TMED3: variants seen among roughly 807,000 people sequenced by gnomAD.
TMED3 encodes transmembrane p24 trafficking protein 3, also known as transmembrane emp24 domain-containing protein 3.
TMED3 carries 9 observed loss-of-function variants against 15.0 expected under a neutral mutation model. The ratio of observed to expected loss-of-function variants is 0.60; its 90% CI spans 0.36 to 1.04. The LOEUF is 1.04. TMED3 is among the 50% of genes least tolerant of loss of function. The pLI, the probability that TMED3 is intolerant of heterozygous loss-of-function variation, is 0.01. For synonymous variants in TMED3, 117 were observed against 121.4 expected (o/e 0.96, Z 0.24); for missense variants, 267 against 278.9 (o/e 0.96, Z 0.30).
chr15:79,316,403 A>G (rs2058740724), intron 2 of TMED3, among the ~76,000 whole-genome samples: 1 of 152,216 alleles, frequency 6.6e-6, no homozygotes, highest in Non-Finnish European at 1.5e-5. Context: ...CAGAGGTCAA[A>G]GGCCAAGAGC....
rs113061032 is a variant in TMED3 at position 79,408,987 on chromosome 15, A to G, written c.418-2413A>G. Among the ~76,000 whole-genome samples, 1,507 of 152,344 alleles carry G rather than the reference A, an allele frequency of 9.9e-3. 19 individuals carry two copies. The highest frequency in any genetic ancestry group is 0.034 in the African/African-American group (1,434 of 41,578). On this transcript the variant is annotated intron_variant, in intron 2 of 2. Coordinates refer to the TMED3 transcript ENST00000424155. ...AAGATACAAGAAAACTTGACTCAAT[A>G]TAGATTTCTTTGTTAATTTAAGTAC...
intron 2 of TMED3, among the ~76,000 whole-genome samples, chr15:79,373,352 C>T (rs1893375035): frequency 6.6e-6 from 1 of 152,180 alleles, no homozygotes; most frequent in African/African-American, 2.4e-5. Context: ...GGGCTATTTT[C>T]TTTGGCTGTT....
At chr15:79,321,247 T>C (rs1475346008) in intron 2 of TMED3, among the ~76,000 whole-genome samples, 2 of 152,208 alleles carry the variant, frequency 1.3e-5, no homozygotes, top group African/African-American at 4.8e-5. Context: ...TATTCACAGC[T>C]TTCTGGAATT....
At chr15:79,401,393 G>A (rs1446474701) in intron 2 of TMED3, among the ~76,000 whole-genome samples, 1 of 152,154 alleles carries the variant, frequency 6.6e-6, no homozygotes, top group Admixed American at 6.5e-5. Flanking sequence ...AGATGACAGA[G>A]AGTGCATAGG....
downstream of TMED3, among the ~76,000 whole-genome samples, chr15:79,327,611 G>C (rs1351576874): frequency 1.3e-5 from 2 of 152,176 alleles, no homozygotes; most frequent in African/African-American, 4.8e-5. Flanking sequence ...CACAATACTG[G>C]TCTGAGACAA....
intron 2 of TMED3, among the ~76,000 whole-genome samples, chr15:79,343,073 A>G (rs919911453): frequency 2.0e-5 from 3 of 152,148 alleles, no homozygotes; most frequent in Non-Finnish European, 2.9e-5. Flanking sequence ...AGATGGAAAT[A>G]TAAGGGTTTG....
chr15:79,398,816 C>T (rs1477392625), intron 2 of TMED3, among the ~76,000 whole-genome samples: 1 of 152,190 alleles, frequency 6.6e-6, no homozygotes, highest in African/African-American at 2.4e-5. Context: ...CATAAAATTA[C>T]CCATCACAAG....
At position 79,322,357 on chromosome 15, in the gene TMED3, T is replaced by A. The variant is rs2058771682; in HGVS notation, c.*143T>A. 6.8e-7 allele frequency: 1 copy of A among 1,470,666 alleles called. No homozygotes were observed. The highest frequency in any genetic ancestry group is 1.4e-5 in the African/African-American group (1 of 70,954). The allele number at this position is 1,470,666 out of a possible 1,614,324, so 91.1% of individuals were successfully genotyped here. A position where few individuals can be genotyped will look rare whatever the true frequency, so the allele number is the denominator to read the frequency against. ...AGCCCTTTGCCTTTCATGCCCATGC[T>A]TGATTCTTGCACCTCAGCAGCTGAA... On this transcript the variant is annotated 3_prime_UTR_variant, in exon 3 of 3. Transcript: ENST00000299705.
intron 2 of TMED3, among the ~76,000 whole-genome samples, chr15:79,351,867 A>G (rs188953439): frequency 1.5e-4 from 23 of 152,334 alleles, no homozygotes; most frequent in Non-Finnish European, 2.1e-4. Flanking sequence ...ATATACGTAT[A>G]TGATGGAATT....
chr15:79,330,591 A>G (rs1408813575), intron 2 of TMED3, among the ~76,000 whole-genome samples: 1 of 152,252 alleles, frequency 6.6e-6, no homozygotes, highest in Non-Finnish European at 1.5e-5. Flanking sequence ...TAATATTGTT[A>G]AAAGGACCAT....
intron 2 of TMED3, among the ~76,000 whole-genome samples, chr15:79,404,350 T>C (rs916783729): frequency 6.6e-6 from 1 of 152,164 alleles, no homozygotes; most frequent in Non-Finnish European, 1.5e-5. Flanking sequence ...GACAAACATT[T>C]AGCTGCATCA....
intron 2 of TMED3, chr15:79,315,851 C>T (rs943946485): frequency 6.6e-6 from 1 of 152,260 alleles, no homozygotes; most frequent in Non-Finnish European, 1.5e-5. Context: ...GTGCCTGGTA[C>T]TGGGCACCCT....
intron 2 of TMED3, among the ~76,000 whole-genome samples, chr15:79,388,047 T>A (rs1176764819): frequency 1.3e-5 from 2 of 152,136 alleles, no homozygotes; most frequent in African/African-American, 4.8e-5. Context: ...ATATAGGATT[T>A]TTTTCCATTC....
At chr15:79,389,860 G>C (rs979972290) in intron 2 of TMED3, among the ~76,000 whole-genome samples, 3 of 152,004 alleles carry the variant, frequency 2.0e-5, no homozygotes, top group Non-Finnish European at 2.9e-5. Context: ...GTCATAAAAG[G>C]GGTTGAGTTC....
chr15:79,376,209 A>G (rs749252088), intron 2 of TMED3, among the ~76,000 whole-genome samples: 3 of 148,666 alleles, frequency 2.0e-5, no homozygotes, highest in Non-Finnish European at 4.4e-5. Context: ...TCCCGGGTTC[A>G]CGCAAGAGAA....
chr15:79,396,486 G>A (rs12148219), intron 2 of TMED3, among the ~76,000 whole-genome samples: 72,970 of 152,016 alleles, frequency 0.48, 18,058 homozygotes, highest in Middle Eastern at 0.63. Flanking sequence ...CAGAACACCT[G>A]TTTGTAGCCT....
intron 2 of TMED3, among the ~76,000 whole-genome samples, chr15:79,379,438 A>G (rs908556005): frequency 1.3e-5 from 2 of 152,196 alleles, no homozygotes; most frequent in Non-Finnish European, 2.9e-5. Flanking sequence ...TTATTTTTCA[A>G]TATGTGTTTC....
At chr15:79,394,044 T>C (rs1893732543) in intron 2 of TMED3, among the ~76,000 whole-genome samples, 1 of 152,152 alleles carries the variant, frequency 6.6e-6, no homozygotes, top group African/African-American at 2.4e-5. Flanking sequence ...TTTTAAGTCA[T>C]GGATGTAGGC....
At chr15:79,393,320 A>G (rs953839424) in intron 2 of TMED3, among the ~76,000 whole-genome samples, 1 of 152,212 alleles carries the variant, frequency 6.6e-6, no homozygotes, top group African/African-American at 2.4e-5. Context: ...TTAATAAGAC[A>G]ATAAAAACTG....
Sources: allele counts gnomAD v4.1 joint callset (sites outside exome capture counted in the v4.1 genomes callset), GRCh38; gene constraint gnomAD v4.1.1; transcripts MANE v1.5; gene names NCBI Gene and HGNC (gene_info 2026-07-23, HGNC 2026-07-21).